Variants in PCNX3 observed in about 807,000 individuals in gnomAD.
The protein encoded by PCNX3 is pecanex-like protein 3.
Under a neutral mutation model 207.2 loss-of-function variants are expected in PCNX3, and 58 were observed. The ratio of observed to expected loss-of-function variants is 0.28; its 90% CI spans 0.23 to 0.35. The LOEUF (loss-of-function observed/expected upper bound fraction) is 0.35. Ranked by LOEUF, PCNX3 falls within the 10% of genes least tolerant of loss-of-function variation. The pLI is 1.00. For synonymous variants in PCNX3, 1,337 were observed against 1,183.5 expected, an observed-to-expected ratio of 1.13 and a Z score of -2.66; for missense variants, 2,410 against 2,774.4, an observed-to-expected ratio of 0.87 and a Z score of 2.95.
intron 3 of PCNX3, 59 bp from the exon 4 acceptor site, chr11:65,617,411 G>A (rs750101813): frequency 6.2e-6 from 10 of 1,613,546 alleles, no homozygotes; most frequent in African/African-American, 1.3e-5. Context: ...CCTACTGTGG[G>A]TGCATCCTGA....
At chr11:65,617,855 G>A (rs1230928163) in intron 5 of PCNX3, 85 bp from the exon 6 acceptor site, 4 of 1,473,734 alleles carry the variant, frequency 2.7e-6, no homozygotes, top group African/African-American at 1.4e-5. Flanking sequence ...CTCAGGGAAA[G>A]TACAGGGCAT....
rs778294126 is a variant in PCNX3 at position 65,636,495 on chromosome 11, C to T, written c.5698C>T (p.Pro1900Ser). 145 of 1,577,706 alleles carry T rather than the reference C, an allele frequency of 9.2e-5. No individual in the cohort carries two copies. Among genetic ancestry groups the T allele is most frequent in the Non-Finnish European group, 1.2e-4 (139 of 1,163,708 alleles). The change falls in exon 34 of 35, where the codon CCT becomes TCT. Residue 1900 changes from proline (P) to serine (S), a missense_variant. Pro to Ser is a moderately conservative substitution (Grantham distance 74). Coordinates refer to ENST00000355703, the MANE Select transcript of PCNX3 (RefSeq NM_032223.4). ...CCCACCTCTGCTGCAGTGGCCTCCCCCTCGGCTCCCTGGACCACCCCCTGC... is the reference window on the plus strand; with the variant it reads ...CCCACCTCTGCTGCAGTGGCCTCCCTCTCGGCTCCCTGGACCACCCCCTGC... ...RPPPLLQWPP[P>S]RLPGPPPASP...
In PCNX3 at chr11:65,619,622, C is replaced by A; in HGVS notation, c.1791C>A (p.Asn597Lys). 1 of 1,603,362 alleles carries A rather than the reference C, an allele frequency of 6.2e-7. No homozygotes were observed. The highest frequency in any genetic ancestry group is 8.5e-7 in the Non-Finnish European group (1 of 1,178,486). The change falls in exon 7 of 35, where the codon AAC becomes AAA. Residue 597 changes from asparagine to lysine, a missense_variant. Asn to Lys is a moderately conservative substitution (Grantham distance 94, BLOSUM62 0). Transcript: ENST00000355703. ...AIRRRHNAGSNPTPPASVMGS... is the reference protein window; with the variant it reads ...AIRRRHNAGSKPTPPASVMGS... ...GGAGACGCCACAATGCAGGCAGCAA[C>A]CCCACCCCTCCAGCCTCTGTCATGG...
chr11:65,618,861 A>G lies in PCNX3; in HGVS notation c.1499A>G (p.His500Arg), dbSNP rs1422448739. Residue 500 changes from histidine (H) to arginine (R), a missense_variant, in exon 6 of 35, where the codon CAT becomes CGT. Physicochemically the swap from His to Arg is conservative, Grantham distance 29. Coordinates refer to ENST00000355703, the MANE Select transcript of PCNX3 (RefSeq NM_032223.4). The stretch of plus-strand genomic sequence containing the variant: ...CCTAGTACCGCCAGCGCTAAAACAC[A>G]TGCCCGTGTGCTGAGCATGGATGGG... ...RTPSTASAKT[H>R]ARVLSMDGAG... is the part of the protein sequence containing the mutation. 2 of 1,610,798 alleles carry G rather than the reference A, an allele frequency of 1.2e-6. No homozygotes were observed. Among genetic ancestry groups the G allele is most frequent in the Non-Finnish European group, 1.7e-6 (2 of 1,179,182 alleles).
chr11:65,625,114 C>T lies in PCNX3; in HGVS notation c.2920-57C>T. The T allele has an allele frequency of 1.3e-6, 2 of 1,549,180 alleles. No homozygotes were observed. Among genetic ancestry groups the T allele is most frequent in the Non-Finnish European group, 8.8e-7 (1 of 1,135,986 alleles). Reference sequence around the variant, plus strand: ...TCAGCAGTGGCTTCTCACACGGGGGCAGCCCGGGCCCCATGCTTACCTCAC... The same window carrying T: ...TCAGCAGTGGCTTCTCACACGGGGGTAGCCCGGGCCCCATGCTTACCTCAC... On this transcript the variant is annotated intron_variant, in intron 16 of 34. Transcript: ENST00000355703. The surrounding 1 kb of genome is among the most constrained non-coding windows in gnomAD (Gnocchi z 5.6).
Position 65,626,070 on chromosome 11 carries a change from T to C in PCNX3, c.3379+16T>C, listed in dbSNP as rs374811729. 3.8e-4 allele frequency: 603 copies of C among 1,587,320 alleles called. No homozygotes were observed. Among genetic ancestry groups the C allele is most frequent in the Non-Finnish European group, 5.0e-4 (583 of 1,168,550 alleles). ...GAAGTGCGCGGTGAGTGCCCACCCC[T>C]GATGGCCAGGCCTGGGCAGTGGCTC... On this transcript the variant is annotated intron_variant, in intron 20 of 34. Coordinates refer to ENST00000355703, the MANE Select transcript of PCNX3 (RefSeq NM_032223.4).
chr11:65,629,791 G>T, intron 26 of PCNX3, 56 bp downstream of exon 26: 2 of 1,526,108 alleles, frequency 1.3e-6, no homozygotes, highest in Non-Finnish European at 8.9e-7. Flanking sequence ...TGATGTGGGA[G>T]CTGTGTTCAA....
At position 65,627,796 on chromosome 11, in the gene PCNX3, C is replaced by T. The variant is rs187859399; in HGVS notation, c.3702+214C>T. 4.6e-5 allele frequency among the ~76,000 whole-genome samples: 7 copies of T among 152,244 alleles called. No individual in the cohort carries two copies. In the East Asian group the frequency reaches 1.4e-3, roughly 30 times the overall value. On this transcript the variant is annotated intron_variant, in intron 22 of 34. Transcript: ENST00000355703. ...GGTTGAGGGACTTGCCTCAGGCTTCCAGAGAATTGGTGGTCAGCCAGGATT... is the reference window on the plus strand; with the variant it reads ...GGTTGAGGGACTTGCCTCAGGCTTCTAGAGAATTGGTGGTCAGCCAGGATT...
Position 65,634,284 on chromosome 11 carries a change from T to C in PCNX3, c.4629T>C (p.Ser1543=), listed in dbSNP as rs1440184809. Residue 1543 remains serine, a synonymous_variant, in exon 28 of 35, where the codon TCT becomes TCC. Transcript: ENST00000355703. ...ATGAGGACTATGACCTCCGCCTGTCTGGCCTCTCGCTGCCCTCCTTTTGTG... is the reference window on the plus strand; with the variant it reads ...ATGAGGACTATGACCTCCGCCTGTCCGGCCTCTCGCTGCCCTCCTTTTGTG... ...SVDEDYDLRL[S]GLSLPSFCAV... 3.7e-6 allele frequency: 6 copies of C among 1,611,436 alleles called. No homozygotes were observed. The highest frequency in any genetic ancestry group is 5.1e-6 in the Non-Finnish European group (6 of 1,179,162).
rs1246663402 is a variant in PCNX3 at position 65,617,472 on chromosome 11, G to A, written c.444G>A (p.Glu148=). The A allele has an allele frequency of 4.3e-6, 7 of 1,613,822 alleles. No individual in the cohort carries two copies. Among genetic ancestry groups the A allele is most frequent in the African/African-American group, 2.7e-5 (2 of 74,894 alleles). Residue 148 remains glutamate, a splice_region_variant and synonymous_variant, in exon 4 of 35, where the codon GAG becomes GAA. Coordinates refer to ENST00000355703, the MANE Select transcript of PCNX3 (RefSeq NM_032223.4). ...TTCATGGCTCTCTGTCTACTCAGGAGCTGCTGCCCCGAATGGAGGACTCTG... is the reference window on the plus strand; with the variant it reads ...TTCATGGCTCTCTGTCTACTCAGGAACTGCTGCCCCGAATGGAGGACTCTG... ...HSVFGFNQVS[E]LLPRMEDSGP...
chr11:65,630,657 C>A lies in PCNX3; in HGVS notation c.4470+53C>A, dbSNP rs890256303. 4 of 1,577,882 alleles carry A rather than the reference C, an allele frequency of 2.5e-6. No homozygotes were observed. In the African/African-American group the frequency reaches 5.4e-5, roughly 21 times the overall value. ...CAGGGCCCTTGCGGGTGAGCGCTCG[C>A]TGACCAGAGGCCCCAGTACCCCCTT... is the stretch of plus-strand genomic sequence containing the variant. On this transcript the variant is annotated intron_variant, in intron 27 of 34. Coordinates refer to ENST00000355703, the MANE Select transcript of PCNX3 (RefSeq NM_032223.4).
chr11:65,625,292 C>CCGGGT lies in PCNX3; in HGVS notation c.3029+15_3029+19dup. 6.2e-7 allele frequency: 1 copy of CCGGGT among 1,602,150 alleles called. No homozygotes were observed. On this transcript the variant is annotated intron_variant, in intron 17 of 34. Transcript: ENST00000355703. The surrounding 1 kb of genome is among the most constrained non-coding windows in gnomAD (Gnocchi z 5.6). Reference sequence around the variant, plus strand: ...CCCACCGTGCTCTGGTGGGTGTGCTCCGGGTCGTGTGTTTGTGTCTGCCCA... The same window carrying CCGGGT: ...CCCACCGTGCTCTGGTGGGTGTGCTCCGGGTCGGGTCGTGTGTTTGTGTCTGCCCA...
At position 65,634,312 on chromosome 11, in the gene PCNX3, G is replaced by T; in HGVS notation, c.4657G>T (p.Val1553Leu). ...SGLSLPSFCA[V>L]HLEWIQYCAS... Reference sequence around the variant, plus strand: ...CCTCTCGCTGCCCTCCTTTTGTGCTGTGCACCTCGAGTGGATCCAGTACTG... The same window carrying T: ...CCTCTCGCTGCCCTCCTTTTGTGCTTTGCACCTCGAGTGGATCCAGTACTG... Residue 1553 changes from valine to leucine, a missense_variant, in exon 28 of 35, where the codon GTG (valine) becomes TTG (leucine). Physicochemically the swap from Val to Leu is conservative, Grantham distance 32. Around this residue, in one of 8 missense-constraint regions of PCNX3, gnomAD observed 420 missense variants for 705.3 expected, o/e 0.60. Transcript: ENST00000355703. 4 of 1,606,760 alleles carry T rather than the reference G, an allele frequency of 2.5e-6. No homozygotes were observed. Among genetic ancestry groups the T allele is most frequent in the Non-Finnish European group, 3.4e-6 (4 of 1,176,970 alleles).
chr11:65,620,740 G>GTA (rs1565157401), intron 9 of PCNX3, 91 bp from the exon 10 acceptor site: 1 of 1,517,210 alleles, frequency 6.6e-7, no homozygotes, highest in African/African-American at 1.4e-5. Flanking sequence ...GGCACAGACA[G>GTA]CCCTACCTGC....
chr11:65,623,332 G>A (rs66864335), intron 11 of PCNX3, among the ~76,000 whole-genome samples, 159 bp from the exon 12 acceptor site: 25,732 of 152,230 alleles, frequency 0.17, 2,627 homozygotes, highest in East Asian at 0.26. Context: ...CTGCCGGGCC[G>A]CGTCGTCGCA....
rs757235150 is a variant in PCNX3, at chr11:65,618,107, C to G, written c.745C>G (p.Leu249Val). Reference sequence around the variant, plus strand: ...GCTGAAGGGGAGCCTCAGCCAGGAGCTGAGCAAGAGCTTCCTGACCCTGAC... The same window carrying G: ...GCTGAAGGGGAGCCTCAGCCAGGAGGTGAGCAAGAGCTTCCTGACCCTGAC... ...PLLKGSLSQE[L>V]SKSFLTLTQP... The change falls in exon 6 of 35, where the codon CTG becomes GTG. Residue 249 changes from leucine (L) to valine (V), a missense_variant. Leu to Val is a conservative substitution (Grantham distance 32, BLOSUM62 1). Coordinates refer to ENST00000355703, the MANE Select transcript of PCNX3 (RefSeq NM_032223.4). 2 of 1,610,872 alleles carry G rather than the reference C, an allele frequency of 1.2e-6. No individual in the cohort carries two copies. Among genetic ancestry groups the G allele is most frequent in the East Asian group, 2.2e-5 (1 of 44,808 alleles).
At position 65,624,985 on chromosome 11, in the gene PCNX3, T is replaced by C; in HGVS notation, c.2888T>C (p.Leu963Pro). 6.2e-7 allele frequency: 1 copy of C among 1,612,786 alleles called. No individual in the cohort carries two copies. The highest frequency in any genetic ancestry group is 8.5e-7 in the Non-Finnish European group (1 of 1,179,642). The change falls in exon 16 of 35, where the codon CTG becomes CCG. Residue 963 changes from leucine to proline, a missense_variant. Coordinates refer to ENST00000355703, the MANE Select transcript of PCNX3 (RefSeq NM_032223.4). The part of the protein sequence containing the change: ...SLSRSLLAAA[L>P]LYGFCLGAIK... ...TCCCGCAGCCTGCTGGCTGCTGCCC[T>C]GCTCTACGGTTTCTGCCTTGGGGCC...
rs1186064262 is a variant in PCNX3, at chr11:65,617,491, G to A, written c.463G>A (p.Asp155Asn). Residue 155 changes from aspartate (D) to asparagine (N), a missense_variant, in exon 4 of 35, where the codon GAC (aspartate) becomes AAC (asparagine). Asp to Asn is a conservative substitution (Grantham distance 23). Transcript: ENST00000355703. ...TCAGGAGCTGCTGCCCCGAATGGAG[G>A]ACTCTGGGCCCCTTAGAGGTAGGTG... is the stretch of plus-strand genomic sequence containing the variant. ...QVSELLPRME[D>N]SGPLRDIKEL... is the part of the protein sequence containing the mutation. 1.9e-6 allele frequency: 3 copies of A among 1,613,956 alleles called. No individual in the cohort carries two copies. Among genetic ancestry groups the A allele is most frequent in the Admixed American group, 1.7e-5 (1 of 60,028 alleles).
At position 65,616,348 on chromosome 11, in the gene PCNX3, G is replaced by C. The variant is rs1405447166; in HGVS notation, c.37G>C (p.Val13Leu). 2 of 1,607,356 alleles carry C rather than the reference G, an allele frequency of 1.2e-6. No individual in the cohort carries two copies. The highest frequency in any genetic ancestry group is 1.7e-5 in the Admixed American group (1 of 59,712). The change falls in exon 1 of 35, where the codon GTG becomes CTG. Residue 13 changes from valine to leucine, a missense_variant. By Grantham distance (32) the Val-to-Leu change is conservative. This residue lies in a region of PCNX3 where 1,104 missense variants were observed against 970.3 expected (regional missense o/e 1.14). Coordinates refer to ENST00000355703, the MANE Select transcript of PCNX3 (RefSeq NM_032223.4). ...SQVLQILRQG[V>L]WASLTGGWFF... ...GGTGTTGCAGATCCTGCGCCAGGGG[G>C]TGTGGGCCTCGCTCACCGGCGGTTG...
Sources: gnomAD v4.1 joint callset for allele counts (sites outside exome capture counted in the v4.1 genomes callset) on GRCh38, gnomAD v4.1.1 for gene constraint, gnomAD v4.1.1 regional missense constraint, Gnocchi (gnomAD v3.1) non-coding constraint, MANE v1.5 for transcripts, NCBI Gene and HGNC (gene_info 2026-07-23, HGNC 2026-07-21) for gene names.